The following SLC23A1 variants were observed in gnomAD, a reference collection of about 807,000 sequenced individuals.
SLC23A1 encodes the protein solute carrier family 23 member 1, also known as Na(+)/L-ascorbic acid transporter 1.
A neutral mutation model predicts 62.5 loss-of-function variants in SLC23A1; 31 were observed. The observed-to-expected ratio is 0.50, with a 90% confidence interval of 0.37 to 0.67. SLC23A1 has a LOEUF of 0.67. SLC23A1 is among the 30% of genes least tolerant of loss of function. SLC23A1 has a pLI of 0.00. For missense variants in SLC23A1, 640 were observed against 782.7 expected, an observed-to-expected ratio of 0.82 and a Z score of 2.18; for synonymous variants, 271 against 313.2, an observed-to-expected ratio of 0.87 and a Z score of 1.42.
intron 4 of SLC23A1, 35 bp from the exon 5 acceptor site, chr5:139,380,667 G>A: frequency 1.3e-6 from 2 of 1,559,560 alleles, no homozygotes; most frequent in Non-Finnish European, 1.8e-6. Context: ...ACACGGACCA[G>A]GTACAGAGAC....
At chr5:139,375,991 G>A (rs1355787717) in intron 13 of SLC23A1, among the ~76,000 whole-genome samples, 2 of 151,810 alleles carry the variant, frequency 1.3e-5, no homozygotes, top group East Asian at 1.9e-4. Context: ...AAAATTAGCC[G>A]GGCATGGTGG....
chr5:139,385,387 G>T (rs1420967643), upstream of SLC23A1, among the ~76,000 whole-genome samples: 2 of 152,124 alleles, frequency 1.3e-5, no homozygotes, highest in Non-Finnish European at 2.9e-5. Flanking sequence ...CCAAAATGTT[G>T]AATCTGGCTG....
At position 139,379,420 on chromosome 5, in the gene SLC23A1, G is replaced by T; in HGVS notation, c.926-66C>A. 1.3e-6 allele frequency: 2 copies of T among 1,514,688 alleles called. No individual in the cohort carries two copies. The highest frequency in any genetic ancestry group is 1.8e-6 in the Non-Finnish European group (2 of 1,092,640). 93.8% of individuals were successfully genotyped at this position (1,514,688 alleles called of 1,614,324 possible). ...GACTGTGATGGTTAGGAATAGACAGGGCAGTGCTGGAAGGAGCAAGAGCAG... is the reference window on the plus strand; with the variant it reads ...GACTGTGATGGTTAGGAATAGACAGTGCAGTGCTGGAAGGAGCAAGAGCAG... On this transcript the variant is annotated intron_variant, in intron 8 of 14. Coordinates refer to ENST00000348729, the MANE Select transcript of SLC23A1 (RefSeq NM_005847.5). This position sits in a 1 kb window ranked among gnomAD's most constrained non-coding sequence, Gnocchi z 4.7.
chr5:139,377,863 C>A, intron 12 of SLC23A1, 112 bp downstream of exon 12: 1 of 1,077,590 alleles, frequency 9.3e-7, no homozygotes. Flanking sequence ...GGTTGACACC[C>A]AGAGTTGGGT....
intron 14 of SLC23A1, among the ~76,000 whole-genome samples, chr5:139,370,965 C>G (rs1757631578): frequency 6.6e-6 from 1 of 151,826 alleles, no homozygotes; most frequent in South Asian, 2.1e-4. Context: ...GCCTGTAATC[C>G]CAGCTACTCA....
At chr5:139,380,431 C>T (rs1343122367) in intron 5 of SLC23A1, 42 bp from the exon 6 acceptor site, 6 of 1,610,760 alleles carry the variant, frequency 3.7e-6, no homozygotes, top group Non-Finnish European at 4.2e-6. Flanking sequence ...ATGTAAAGGT[C>T]ATGACCTGGC....
Position 139,379,981 on chromosome 5 carries a change from C to A in SLC23A1, c.743G>T (p.Arg248Leu). 6.2e-7 allele frequency: 1 copy of A among 1,614,080 alleles called. No individual in the cohort carries two copies. The highest frequency in any genetic ancestry group is 1.1e-5 in the South Asian group (1 of 91,076). The change falls in exon 7 of 15, where the codon CGC becomes CTC. Residue 248 changes from arginine to leucine, a missense_variant. Coordinates refer to ENST00000348729, the MANE Select transcript of SLC23A1 (RefSeq NM_005847.5). The surrounding 1 kb of genome is among the most constrained non-coding windows in gnomAD (Gnocchi z 4.7). ...YRWGKGLTLL[R>L]IQIFKMFPIM... ...AGGAAACATTTTGAAGATCTGGATG[C>A]GGAGGAGAGTGAGGCCCTTGCCCCA...
upstream of SLC23A1, chr5:139,384,499 C>G (rs1256359830): frequency 1.6e-6 from 2 of 1,289,590 alleles, no homozygotes; most frequent in Non-Finnish European, 2.0e-6. Context: ...TCCGCCTGTC[C>G]TCTCCTCTCC....
chr5:139,380,157 A>C (rs1758169537), intron 6 of SLC23A1, 51 bp downstream of exon 6: 1 of 1,559,870 alleles, frequency 6.4e-7, no homozygotes, highest in Non-Finnish European at 8.7e-7. Context: ...AAGGACATGA[A>C]GAGGGTAGGG....
At position 139,372,046 on chromosome 5, in the gene SLC23A1, G is replaced by A; in HGVS notation, c.1757C>T (p.Pro586Leu). Reference protein sequence around the residue: ...KDQIAIPEDTPENTETASVCT... With the variant: ...KDQIAIPEDTLENTETASVCT... ...CACAGATGCAGTTTCTGTATTTTCT[G>A]GAGTGTCTTCTGGAATTGCAATCTG... Residue 586 changes from proline (P) to leucine (L), a missense_variant, in exon 14 of 15, where the codon CCA becomes CTA. Transcript: ENST00000348729. 1 of 1,613,486 alleles carries A rather than the reference G, an allele frequency of 6.2e-7. No homozygotes were observed. The highest frequency in any genetic ancestry group is 1.7e-5 in the Admixed American group (1 of 60,026).
chr5:139,385,071 C>T (rs1423999800), upstream of SLC23A1, among the ~76,000 whole-genome samples: 3 of 152,250 alleles, frequency 2.0e-5, no homozygotes, highest in Non-Finnish European at 4.4e-5. Flanking sequence ...AGCCCTACTA[C>T]TACTCAGCCA....
chr5:139,367,892 A>G (rs974429904), intron 14 of SLC23A1, among the ~76,000 whole-genome samples: 2 of 152,180 alleles, frequency 1.3e-5, no homozygotes, highest in Non-Finnish European at 2.9e-5. Context: ...TTCAATTCCT[A>G]TTTTCTCTTT....
At chr5:139,375,056 C>T (rs2152066787) in intron 13 of SLC23A1, among the ~76,000 whole-genome samples, 1 of 152,324 alleles carries the variant, frequency 6.6e-6, no homozygotes. Flanking sequence ...CTGTCCTCCC[C>T]AGCCCCAACC....
chr5:139,382,137 A>AG, intron 2 of SLC23A1, 88 bp from the exon 3 acceptor site: 2 of 1,365,516 alleles, frequency 1.5e-6, no homozygotes, highest in Non-Finnish European at 2.0e-6. Flanking sequence ...TGCCTGCCTC[A>AG]GCGGGCCTGG....
chr5:139,382,121 T>A, intron 2 of SLC23A1, 72 bp from the exon 3 acceptor site: 1 of 1,455,024 alleles, frequency 6.9e-7, no homozygotes, highest in Non-Finnish European at 9.4e-7. Flanking sequence ...CAACCTAGTG[T>A]CCTCATGCCT....
Position 139,378,519 on chromosome 5 carries a change from G to T in SLC23A1, c.1179+60C>A. ...GCTAAACCAAAGTGGGGACCGAGTTGGGGCGGGGCCTGCGGCCCACGGAAT... is the reference window on the plus strand; with the variant it reads ...GCTAAACCAAAGTGGGGACCGAGTTTGGGCGGGGCCTGCGGCCCACGGAAT... On this transcript the variant is annotated intron_variant, in intron 10 of 14. Transcript: ENST00000348729. The surrounding 1 kb of genome is among the most constrained non-coding windows in gnomAD (Gnocchi z 4.5). 1 of 1,428,194 alleles carries T rather than the reference G, an allele frequency of 7.0e-7. No homozygotes were observed. The highest frequency in any genetic ancestry group is 9.5e-7 in the Non-Finnish European group (1 of 1,051,250). The allele number at this position is 1,428,194 out of a possible 1,614,324, so 88.5% of individuals were successfully genotyped here.
At chr5:139,384,827 T>G, upstream of SLC23A1, 1 of 831,682 alleles carries the variant, frequency 1.2e-6, no homozygotes, top group Non-Finnish European at 1.5e-6. Flanking sequence ...CTCCACACCC[T>G]GTCCTGAAAG....
intron 13 of SLC23A1, among the ~76,000 whole-genome samples, chr5:139,373,414 A>G (rs550377526): frequency 1.6e-4 from 25 of 152,266 alleles, no homozygotes; most frequent in African/African-American, 5.8e-4. Flanking sequence ...TCCTGACCTC[A>G]AGTGATCAGC....
chr5:139,374,308 CGTG>C (rs1757835771), intron 13 of SLC23A1, among the ~76,000 whole-genome samples: 1 of 152,114 alleles, frequency 6.6e-6, no homozygotes, highest in South Asian at 2.1e-4. Flanking sequence ...ATTAGCCAGG[CGTG>C]GTGGCGGGCA....
Sources: allele counts gnomAD v4.1 joint callset (sites outside exome capture counted in the v4.1 genomes callset), GRCh38; gene constraint gnomAD v4.1.1; non-coding constraint Gnocchi (gnomAD v3.1); transcripts MANE v1.5; gene names NCBI Gene and HGNC (gene_info 2026-07-23, HGNC 2026-07-21).